Variants in OBI1 observed in about 807,000 individuals in gnomAD.
The protein encoded by OBI1 is ring finger protein 219.
Under a neutral mutation model 62.4 loss-of-function variants are expected in OBI1, and 59 were observed. The observed-to-expected ratio is 0.95, with a 90% CI of 0.77 to 1.17. The LOEUF (loss-of-function observed/expected upper bound fraction) is 1.17. OBI1 is among the 50% of genes most tolerant of loss of function. The pLI is 0.00. For synonymous variants in OBI1, 302 were observed against 292.8 expected (o/e 1.03, Z -0.32); for missense variants, 875 against 830.9 (o/e 1.05, Z -0.65).
intron 1 of OBI1, among the ~76,000 whole-genome samples, chr13:78,655,855 C>A (rs978160889): frequency 6.6e-6 from 1 of 152,174 alleles, no homozygotes; most frequent in Non-Finnish European, 1.5e-5. Context: ...GAAGCAGAAG[C>A]GAACCTGAGG....
chr13:78,646,722 A>G (rs763396059), intron 1 of OBI1, among the ~76,000 whole-genome samples: 1 of 152,218 alleles, frequency 6.6e-6, no homozygotes, highest in East Asian at 1.9e-4. Flanking sequence ...GTCTGCCTTA[A>G]AAGAATCTAC....
At chr13:78,655,085 CT>C (rs1305606454) in intron 1 of OBI1, among the ~76,000 whole-genome samples, 1 of 152,214 alleles carries the variant, frequency 6.6e-6, no homozygotes, top group African/African-American at 2.4e-5. Flanking sequence ...CTCCTTCACC[CT>C]TTCATAAAAC....
At chr13:78,639,889 G>C (rs901691036) in intron 3 of OBI1, among the ~76,000 whole-genome samples, 2 of 147,788 alleles carry the variant, frequency 1.4e-5, no homozygotes, top group African/African-American at 5.0e-5. Flanking sequence ...TATACCTAAT[G>C]CTAGATGACG....
chr13:78,626,766 T>C (rs1268836180), intron 5 of OBI1, among the ~76,000 whole-genome samples: 1 of 152,160 alleles, frequency 6.6e-6, no homozygotes, highest in Admixed American at 6.5e-5. Context: ...GACCCTTTTA[T>C]ACTAGACCAA....
chr13:78,615,261 A>G lies in OBI1; in HGVS notation c.*319T>C, dbSNP rs1266959442. On this transcript the variant is annotated 3_prime_UTR_variant, in exon 6 of 6. Coordinates refer to ENST00000282003, the MANE Select transcript of OBI1 (RefSeq NM_024546.4). The stretch of plus-strand genomic sequence containing the variant: ...TTTTTAAAAAAACAATGTATATCCA[A>G]CCGAGATACATATCAAATTCAGTAA... 2.7e-5 allele frequency: 6 copies of G among 223,680 alleles called. No individual in the cohort carries two copies. In the East Asian group the frequency reaches 6.2e-4, roughly 23 times the overall value. The allele number at this position is 223,680 out of a possible 1,614,324, so 13.9% of individuals were successfully genotyped here. A position where few individuals can be genotyped will look rare whatever the true frequency, so the allele number is the denominator to read the frequency against.
intron 4 of OBI1, among the ~76,000 whole-genome samples, chr13:78,638,161 T>C (rs1201365861): frequency 2.6e-5 from 4 of 152,200 alleles, no homozygotes; most frequent in African/African-American, 9.6e-5. Context: ...AGGAGTTGCC[T>C]GTAACATCTA....
intron 5 of OBI1, among the ~76,000 whole-genome samples, chr13:78,632,422 CT>C (rs1417189373): frequency 1.3e-5 from 2 of 152,122 alleles, no homozygotes; most frequent in Non-Finnish European, 2.9e-5. Flanking sequence ...TTTTCCCTCT[CT>C]AGTGTCTAAA....
At chr13:78,654,758 A>G (rs1024153471) in intron 1 of OBI1, among the ~76,000 whole-genome samples, 2 of 152,220 alleles carry the variant, frequency 1.3e-5, no homozygotes, top group Non-Finnish European at 2.9e-5. Flanking sequence ...ATTTCTGGTT[A>G]TTTCAGCCAG....
intron 5 of OBI1, among the ~76,000 whole-genome samples, chr13:78,628,377 T>C (rs1875743357): frequency 6.6e-6 from 1 of 152,194 alleles, no homozygotes; most frequent in African/African-American, 2.4e-5. Flanking sequence ...ATTATTATGG[T>C]CTTCTGTTAA....
chr13:78,637,412 A>G (rs1383863607), intron 4 of OBI1, among the ~76,000 whole-genome samples: 1 of 152,214 alleles, frequency 6.6e-6, no homozygotes, highest in Admixed American at 6.5e-5. Context: ...TTAACATTTG[A>G]CCATTAAAAG....
At chr13:78,652,788 A>G (rs1876582080) in intron 1 of OBI1, among the ~76,000 whole-genome samples, 2 of 152,160 alleles carry the variant, frequency 1.3e-5, no homozygotes, top group African/African-American at 2.4e-5. Context: ...GGCAGAGCTC[A>G]GGTGGTAATA....
chr13:78,621,809 G>A (rs1377906715), intron 5 of OBI1, among the ~76,000 whole-genome samples: 1 of 152,216 alleles, frequency 6.6e-6, no homozygotes, highest in Non-Finnish European at 1.5e-5. Flanking sequence ...AAAGCAATGT[G>A]GAGCTCTTTC....
rs146662182 is a variant in OBI1 at position 78,618,784 on chromosome 13, C to T, written c.639-1662G>A. 4.4e-3 allele frequency among the ~76,000 whole-genome samples: 674 copies of T among 152,272 alleles called. 7 individuals are homozygous for T. Among genetic ancestry groups the T allele is most frequent in the Non-Finnish European group, 5.7e-3 (385 of 68,014 alleles). On this transcript the variant is annotated intron_variant, in intron 5 of 5. Coordinates refer to ENST00000282003, the MANE Select transcript of OBI1 (RefSeq NM_024546.4). ...CTCCCCATTTTAAAGACAAAGTTTA[C>T]TACTGTATTTGGTTAAATGAATGAT... is the stretch of plus-strand genomic sequence containing the variant.
chr13:78,631,958 A>G (rs1008507514), intron 5 of OBI1, among the ~76,000 whole-genome samples: 3 of 152,260 alleles, frequency 2.0e-5, no homozygotes, highest in East Asian at 3.9e-4. Context: ...CTTGAGACCA[A>G]TGTAAATCTC....
rs758596934 is a variant in OBI1, at chr13:78,644,829, C to T, written c.208+33G>A. On this transcript the variant is annotated intron_variant, in intron 2 of 5. Transcript: ENST00000282003. ...AAATTATTTGGAGATTGTTTCAAAC[C>T]TATTCCTATGCATATATAAAACAGG... 3 of 1,601,650 alleles carry T rather than the reference C, an allele frequency of 1.9e-6. No homozygotes were observed. The South Asian group carries it at 3.3e-5, about 18-fold the overall frequency.
chr13:78,644,585 C>CT (rs931752797), intron 2 of OBI1, among the ~76,000 whole-genome samples: 1 of 151,880 alleles, frequency 6.6e-6, no homozygotes, highest in African/African-American at 2.4e-5. Context: ...ACTCTCTGGG[C>CT]TTTTTTGGGG....
At chr13:78,651,592 C>G (rs142253410) in intron 1 of OBI1, among the ~76,000 whole-genome samples, 2 of 152,156 alleles carry the variant, frequency 1.3e-5, no homozygotes, top group East Asian at 3.9e-4. Flanking sequence ...TCCTCCTGGT[C>G]TCTCCATCCT....
At chr13:78,628,315 A>T (rs988089788) in intron 5 of OBI1, among the ~76,000 whole-genome samples, 1 of 152,212 alleles carries the variant, frequency 6.6e-6, no homozygotes, top group South Asian at 2.1e-4. Flanking sequence ...TCTGGCTCCA[A>T]GGTTTGTGTT....
Position 78,659,153 on chromosome 13 carries a change from C to A in OBI1, c.-33G>T. On this transcript the variant is annotated 5_prime_UTR_variant, in exon 1 of 6. Transcript: ENST00000282003. ...TTCAGAATCCCGCCAACACGGAAGT[C>A]CCGCCGACCTACCGCTACTCTTCGC... 6.3e-7 allele frequency: 1 copy of A among 1,599,754 alleles called. No individual in the cohort carries two copies. The highest frequency in any genetic ancestry group is 1.3e-5 in the African/African-American group (1 of 74,580).
Sources: gnomAD v4.1 joint callset for allele counts (sites outside exome capture counted in the v4.1 genomes callset) on GRCh38, gnomAD v4.1.1 for gene constraint, MANE v1.5 for transcripts, NCBI Gene and HGNC (gene_info 2026-07-23, HGNC 2026-07-21) for gene names.